The following PTPRJ variants were observed in gnomAD, a reference collection of about 807,000 sequenced individuals.
PTPRJ encodes receptor-type tyrosine-protein phosphatase eta.
A neutral mutation model predicts 141.3 loss-of-function variants in PTPRJ; 129 were observed. That is an observed-to-expected ratio of 0.91 (90% confidence interval 0.79 to 1.06). The LOEUF is 1.06. Among genes scored for constraint, PTPRJ ranks in the 50% least tolerant of loss-of-function variants. The pLI, the probability that PTPRJ is intolerant of heterozygous loss-of-function variation, is 0.00. For synonymous variants in PTPRJ, 610 were observed against 640.5 expected (o/e 0.95, Z 0.72); for missense variants, 1,601 against 1,679.7 (o/e 0.95, Z 0.82).
intron 1 of PTPRJ, among the ~76,000 whole-genome samples, chr11:48,108,145 AT>A (rs1856344530): frequency 6.6e-6 from 1 of 152,170 alleles, no homozygotes; most frequent in African/African-American, 2.4e-5. Context: ...TGAGCTTCAG[AT>A]TGCACATTGG....
chr11:48,028,497 A>G (rs556079096), intron 1 of PTPRJ, among the ~76,000 whole-genome samples: 1 of 152,274 alleles, frequency 6.6e-6, no homozygotes, highest in African/African-American at 2.4e-5. Flanking sequence ...AATCCTTAAC[A>G]AAAGGTTAAG....
intron 1 of PTPRJ, among the ~76,000 whole-genome samples, chr11:48,024,128 G>T (rs144845289): frequency 7.8e-4 from 119 of 151,918 alleles, no homozygotes; most frequent in African/African-American, 2.4e-3. Context: ...AATCTCTAAG[G>T]TTCCATGTTC....
At chr11:48,146,199 G>A (rs1426138374) in intron 14 of PTPRJ, among the ~76,000 whole-genome samples, 1 of 152,140 alleles carries the variant, frequency 6.6e-6, no homozygotes, top group South Asian at 2.1e-4. Flanking sequence ...AGGGTTACAC[G>A]ATGGCTTTAG....
chr11:48,045,352 G>A (rs1233588216), intron 1 of PTPRJ, among the ~76,000 whole-genome samples: 1 of 152,170 alleles, frequency 6.6e-6, no homozygotes, highest in Non-Finnish European at 1.5e-5. Context: ...CCCATTGGGT[G>A]ACCCTGGACT....
chr11:48,063,448 A>G (rs1022959975), intron 1 of PTPRJ, among the ~76,000 whole-genome samples: 3 of 152,240 alleles, frequency 2.0e-5, no homozygotes, highest in Non-Finnish European at 4.4e-5. Flanking sequence ...AGTGACTGGC[A>G]CATAGTAGGT....
chr11:48,035,120 A>C (rs1481537908), intron 1 of PTPRJ, among the ~76,000 whole-genome samples: 1 of 152,068 alleles, frequency 6.6e-6, no homozygotes, highest in African/African-American at 2.4e-5. Flanking sequence ...GCACCTGGCT[A>C]CCTCCTTTTA....
chr11:48,167,711 A>G lies in PTPRJ; in HGVS notation c.*349A>G, dbSNP rs1042746198. 8.0e-5 allele frequency: 14 copies of G among 175,744 alleles called. No individual in the cohort carries two copies. Among genetic ancestry groups the G allele is most frequent in the African/African-American group, 2.4e-4 (10 of 42,178 alleles). The allele number at this position is 175,744 out of a possible 1,614,324, so 10.9% of individuals were successfully genotyped here. A position where few individuals can be genotyped will look rare whatever the true frequency, so the allele number is the denominator to read the frequency against. ...AAAAAGACTATTTTATATGATTCAC[A>G]TGCTAAAGCCAGGATTGTGTTGGGT... On this transcript the variant is annotated 3_prime_UTR_variant, in exon 25 of 25. Transcript: ENST00000418331.
intron 1 of PTPRJ, chr11:48,015,709 A>T (rs1408978331): frequency 6.6e-6 from 1 of 151,474 alleles, no homozygotes; most frequent in African/African-American, 2.4e-5. Context: ...AAATTAGCCG[A>T]GTATGGTAGC....
intron 1 of PTPRJ, among the ~76,000 whole-genome samples, chr11:48,071,600 A>ATG (rs1257014427): frequency 2.9e-4 from 21 of 71,872 alleles, no homozygotes; most frequent in Middle Eastern, 0.018. Flanking sequence ...GAGCCACCGC[A>ATG]CCCAGCCTTT....
chr11:47,981,180 C>T (rs1377099149), intron 1 of PTPRJ, among the ~76,000 whole-genome samples, 172 bp downstream of exon 1: 2 of 152,162 alleles, frequency 1.3e-5, no homozygotes, highest in South Asian at 2.1e-4. Context: ...CGCACGCCGG[C>T]GATCGATCCC....
At position 48,031,957 on chromosome 11, in the gene PTPRJ, C is replaced by T. The variant is rs574803704; in HGVS notation, c.96+50949C>T. Among the ~76,000 whole-genome samples the T allele has an allele frequency of 9.5e-4, 145 of 152,270 alleles. 1 individual carries two copies. Among genetic ancestry groups the T allele is most frequent in the African/African-American group, 3.4e-3 (143 of 41,546 alleles). On this transcript the variant is annotated intron_variant, in intron 1 of 24. Transcript: ENST00000418331. ...TATGCACCCTCCCCACCCCCGTCAACGTTAGAGCTTAGCATCATATGAAAG... is the reference window on the plus strand; with the variant it reads ...TATGCACCCTCCCCACCCCCGTCAATGTTAGAGCTTAGCATCATATGAAAG...
chr11:47,980,977 CGCT>C lies in PTPRJ; in HGVS notation c.83_85del (p.Leu28del), dbSNP rs747484779. 474 of 1,179,002 alleles carry C rather than the reference CGCT, an allele frequency of 4.0e-4. No individual in the cohort carries two copies. The highest frequency in any genetic ancestry group is 1.2e-3 in the East Asian group (33 of 28,394). The allele number at this position is 1,179,002 out of a possible 1,614,324, so 73.0% of individuals were successfully genotyped here. On this transcript the variant is annotated inframe_deletion, in exon 1 of 25. Transcript: ENST00000418331. Reference sequence around the variant, plus strand: ...TCGCCCGGGCTGCGCTGGGCGCTGCCGCTGCTGCTGCTGCTGCTGCGCCTGGGC... The same window carrying C: ...TCGCCCGGGCTGCGCTGGGCGCTGCCGCTGCTGCTGCTGCTGCGCCTGGGC...
intron 1 of PTPRJ, among the ~76,000 whole-genome samples, chr11:47,984,930 G>T (rs1196581184): frequency 2.0e-5 from 3 of 148,400 alleles, no homozygotes; most frequent in African/African-American, 7.5e-5. Flanking sequence ...TTGGTTCACT[G>T]CAACCTCCGC....
chr11:47,989,757 T>C (rs1215894288), intron 1 of PTPRJ, among the ~76,000 whole-genome samples: 1 of 152,164 alleles, frequency 6.6e-6, no homozygotes, highest in East Asian at 1.9e-4. Flanking sequence ...TTATTTTAGA[T>C]GTAGCACTTG....
At chr11:48,092,312 A>G (rs1222916747) in intron 1 of PTPRJ, among the ~76,000 whole-genome samples, 6 of 148,792 alleles carry the variant, frequency 4.0e-5, no homozygotes, top group African/African-American at 7.7e-5. Flanking sequence ...AAAAAAAAAA[A>G]AAAAAGAAAA....
chr11:47,987,469 A>T (rs184278071), intron 1 of PTPRJ, among the ~76,000 whole-genome samples: 2 of 152,190 alleles, frequency 1.3e-5, no homozygotes, highest in African/African-American at 4.8e-5. Flanking sequence ...CGTGGTGGGG[A>T]ACAGGAGCCT....
chr11:48,040,055 C>T (rs1854236133), intron 1 of PTPRJ, among the ~76,000 whole-genome samples: 1 of 152,226 alleles, frequency 6.6e-6, no homozygotes, highest in Admixed American at 6.5e-5. Context: ...TCCCAGAGTG[C>T]TGGGATAACA....
intron 12 of PTPRJ, 73 bp downstream of exon 12, chr11:48,143,123 A>G: frequency 6.4e-6 from 10 of 1,569,196 alleles, no homozygotes; most frequent in South Asian, 1.2e-5. Flanking sequence ...GTGCCCACTG[A>G]GGCATGTGAG....
chr11:48,039,945 T>A (rs1854233528), intron 1 of PTPRJ, among the ~76,000 whole-genome samples: 2 of 152,168 alleles, frequency 1.3e-5, no homozygotes. Context: ...CACACCACCA[T>A]GCCCAGCTAA....
Sources: allele counts gnomAD v4.1 joint callset (sites outside exome capture counted in the v4.1 genomes callset), GRCh38; gene constraint gnomAD v4.1.1; transcripts MANE v1.5; gene names NCBI Gene and HGNC (gene_info 2026-07-23, HGNC 2026-07-21).